ARHGAP10: variants seen among roughly 807,000 people sequenced by gnomAD.
The protein encoded by ARHGAP10 is rho GTPase-activating protein 10.
A neutral mutation model predicts 108.6 loss-of-function variants in ARHGAP10; 87 were observed. The ratio of observed to expected loss-of-function variants is 0.80; its 90% CI spans 0.67 to 0.96. The LOEUF (loss-of-function observed/expected upper bound fraction) is 0.96. ARHGAP10 is among the 40% of genes least tolerant of loss of function. The probability of loss-of-function intolerance (pLI) is 0.00; values close to 1 mark genes in which losing one functional copy is unlikely to be tolerated. For synonymous variants in ARHGAP10, 347 were observed against 341.1 expected (o/e 1.02, Z -0.19); for missense variants, 939 against 954.5 (o/e 0.98, Z 0.21).
chr4:147,995,454 G>A (rs1740436771), intron 18 of ARHGAP10, among the ~76,000 whole-genome samples: 1 of 152,184 alleles, frequency 6.6e-6, no homozygotes, highest in South Asian at 2.1e-4. Context: ...GAGGAGTAGG[G>A]AAGCTTATCA....
At chr4:147,979,232 T>G (rs1265276582) in intron 18 of ARHGAP10, among the ~76,000 whole-genome samples, 1 of 152,152 alleles carries the variant, frequency 6.6e-6, no homozygotes, top group East Asian at 1.9e-4. Flanking sequence ...TTATTGTATA[T>G]GATGAGAGGT....
chr4:147,938,911 G>A (rs535199681), intron 13 of ARHGAP10, among the ~76,000 whole-genome samples: 1 of 152,172 alleles, frequency 6.6e-6, no homozygotes, highest in Admixed American at 6.5e-5. Context: ...GCATAAAAAA[G>A]TAGAGAGATT....
chr4:147,746,393 C>A (rs1333802033), intron 1 of ARHGAP10, among the ~76,000 whole-genome samples: 1 of 149,434 alleles, frequency 6.7e-6, no homozygotes, highest in African/African-American at 2.5e-5. Context: ...TGAGTCACTG[C>A]GCCAGGCCTG....
rs77939149 is a variant in ARHGAP10 at position 147,909,699 on chromosome 4, A to T, written c.1117-33A>T. 2.0e-3 allele frequency: 3,132 copies of T among 1,583,106 alleles called. 30 individuals are homozygous for T. The Admixed American group carries it at 0.023, about 12-fold the overall frequency. On this transcript the variant is annotated intron_variant, in intron 11 of 22. Coordinates refer to ENST00000336498, the MANE Select transcript of ARHGAP10 (RefSeq NM_024605.4). ...TTGAATAATTTTTGCTGATTTGATT[A>T]AAAAATTCTGTTTTTCCATTCTCTT...
chr4:147,752,775 C>T (rs1195327833), intron 1 of ARHGAP10, among the ~76,000 whole-genome samples: 1 of 152,242 alleles, frequency 6.6e-6, no homozygotes, highest in Non-Finnish European at 1.5e-5. Flanking sequence ...GATCCTCCCA[C>T]CTTGGCCTCC....
intron 10 of ARHGAP10, among the ~76,000 whole-genome samples, chr4:147,905,763 T>C (rs1422901893): frequency 1.3e-5 from 2 of 150,684 alleles, no homozygotes; most frequent in Non-Finnish European, 3.0e-5. Flanking sequence ...TTTCCAGTTC[T>C]GTGAAGAAAG....
At chr4:147,827,856 A>G (rs1196569767) in intron 3 of ARHGAP10, among the ~76,000 whole-genome samples, 1 of 152,090 alleles carries the variant, frequency 6.6e-6, no homozygotes, top group Non-Finnish European at 1.5e-5. Flanking sequence ...ACCAGGCCTG[A>G]GTGCAGTGGT....
chr4:147,895,512 C>CA (rs70958593), intron 10 of ARHGAP10, among the ~76,000 whole-genome samples: 61,899 of 85,362 alleles, frequency 0.73, 22,900 homozygotes, highest in East Asian at 0.88. Flanking sequence ...GACCCTGTCT[C>CA]AAAAAAAAAA....
chr4:147,906,229 T>G (rs745412631), intron 10 of ARHGAP10, among the ~76,000 whole-genome samples: 3 of 152,222 alleles, frequency 2.0e-5, no homozygotes, highest in African/African-American at 4.8e-5. Context: ...CAGGTATTTG[T>G]ACATCCATGT....
At chr4:148,032,860 A>G (rs1281433387) in intron 19 of ARHGAP10, among the ~76,000 whole-genome samples, 2 of 152,328 alleles carry the variant, frequency 1.3e-5, no homozygotes, top group East Asian at 3.9e-4. Context: ...GGCAGGAAAC[A>G]TCCAGCTTGG....
Position 147,860,103 on chromosome 4 carries a change from CT to C in ARHGAP10, c.486+2451del, listed in dbSNP as rs544259757. Among the ~76,000 whole-genome samples the C allele has an allele frequency of 4.5e-4, 69 of 152,316 alleles. 1 individual carries two copies. Among genetic ancestry groups the C allele is most frequent in the African/African-American group, 1.5e-3 (63 of 41,570 alleles). On this transcript the variant is annotated intron_variant, in intron 5 of 22. Coordinates refer to ENST00000336498, the MANE Select transcript of ARHGAP10 (RefSeq NM_024605.4). ...TGCAGAGAATGATACTGAACAAAGG[CT>C]TAGAAACGTACATAATTCATTCTCT...
At chr4:147,932,121 T>C (rs555087844) in intron 13 of ARHGAP10, among the ~76,000 whole-genome samples, 1 of 152,182 alleles carries the variant, frequency 6.6e-6, no homozygotes, top group Non-Finnish European at 1.5e-5. Flanking sequence ...TGAGATACCA[T>C]CTCAAGCCAG....
intron 3 of ARHGAP10, among the ~76,000 whole-genome samples, chr4:147,843,201 C>T (rs576228250): frequency 6.6e-6 from 1 of 152,354 alleles, no homozygotes; most frequent in African/African-American, 2.4e-5. Flanking sequence ...ATCCCATCTC[C>T]TCCCGTGTCA....
In ARHGAP10 at chr4:147,885,701, A is replaced by G. The variant is rs373546954; in HGVS notation, c.1034+3769A>G. Among the ~76,000 whole-genome samples the G allele has an allele frequency of 2.6e-4, 39 of 152,308 alleles. No homozygotes were observed. In the South Asian group the frequency reaches 7.7e-3, roughly 30 times the overall value. On this transcript the variant is annotated intron_variant, in intron 10 of 22. Coordinates refer to ENST00000336498, the MANE Select transcript of ARHGAP10 (RefSeq NM_024605.4). ...TATCCTTTTACTTCCATGACAGTTA[A>G]CCATTCTGGTTCTCCCTCAGATCTC... is the stretch of plus-strand genomic sequence containing the variant.
Position 147,997,697 on chromosome 4 carries a change from C to G in ARHGAP10, c.1717-25566C>G, listed in dbSNP as rs539602093. On this transcript the variant is annotated intron_variant, in intron 18 of 22. Transcript: ENST00000336498. ...TGTCAGAATCAAAGAATAACTTAAC[C>G]TGGTCAAAGAATCCACTAAATTTCA... 2.5e-4 allele frequency among the ~76,000 whole-genome samples: 38 copies of G among 152,218 alleles called. No homozygotes were observed. The East Asian group carries it at 7.3e-3, about 29-fold the overall frequency.
Position 147,939,850 on chromosome 4 carries a change from A to G in ARHGAP10, c.1254A>G (p.Arg418=), listed in dbSNP as rs1191388445. The G allele has an allele frequency of 1.9e-6, 3 of 1,614,024 alleles. No homozygotes were observed. The highest frequency in any genetic ancestry group is 2.5e-6 in the Non-Finnish European group (3 of 1,179,944). ...TRGINDQGLY[R]VVGVSSKVQR... ...GTATAAATGACCAAGGATTGTACAG[A>G]GTTGTGGGGGTGAGTTCAAAGGTCC... Residue 418 remains arginine (R), a synonymous_variant, in exon 14 of 23, where the codon AGA becomes AGG. Transcript: ENST00000336498.
chr4:147,792,633 T>G (rs1213013437), intron 1 of ARHGAP10, among the ~76,000 whole-genome samples: 1 of 152,230 alleles, frequency 6.6e-6, no homozygotes, highest in Admixed American at 6.5e-5. Flanking sequence ...TAGTTCTCTT[T>G]GTGGTCCTCT....
chr4:148,063,942 C>T (rs985417922), intron 21 of ARHGAP10, among the ~76,000 whole-genome samples: 3 of 152,212 alleles, frequency 2.0e-5, no homozygotes, highest in Non-Finnish European at 4.4e-5. Context: ...GCAAGAGCAA[C>T]AAGCCCCTTC....
intron 10 of ARHGAP10, among the ~76,000 whole-genome samples, chr4:147,892,842 T>A (rs1735839279): frequency 6.6e-6 from 1 of 152,120 alleles, no homozygotes; most frequent in African/African-American, 2.4e-5. Flanking sequence ...AACTGTGTGT[T>A]TGGGGGCTGG....
Sources: allele counts gnomAD v4.1 joint callset (sites outside exome capture counted in the v4.1 genomes callset), GRCh38; gene constraint gnomAD v4.1.1; transcripts MANE v1.5; gene names NCBI Gene and HGNC (gene_info 2026-07-23, HGNC 2026-07-21).